STK4: variants seen among roughly 807,000 people sequenced by gnomAD.
The protein encoded by STK4 is serine/threonine-protein kinase 4.
In STK4, 30 loss-of-function variants were observed where a neutral mutation model predicts 64.9. The ratio of observed to expected loss-of-function variants is 0.46; its 90% CI spans 0.35 to 0.63. The LOEUF is 0.63. Ranked by LOEUF, STK4 falls within the 20% of genes least tolerant of loss-of-function variation. The pLI is 0.01. For synonymous variants in STK4, 177 were observed against 199.0 expected, an observed-to-expected ratio of 0.89 and a Z score of 0.93; for missense variants, 466 against 598.5, an observed-to-expected ratio of 0.78 and a Z score of 2.31.
intron 10 of STK4, 86 bp from the exon 11 acceptor site, chr20:45,074,932 C>A: frequency 6.5e-7 from 1 of 1,530,492 alleles, no homozygotes; most frequent in Admixed American, 1.7e-5. Context: ...TCCCTTCCCT[C>A]TGGGTGCCTG....
intron 10 of STK4, among the ~76,000 whole-genome samples, chr20:45,073,561 C>G (rs374243951): frequency 1.3e-5 from 2 of 152,158 alleles, no homozygotes; most frequent in African/African-American, 4.8e-5. Context: ...TCATGATTTT[C>G]TAAATGTGGG....
At chr20:45,065,799 T>C (rs1437607195) in intron 10 of STK4, among the ~76,000 whole-genome samples, 1 of 152,084 alleles carries the variant, frequency 6.6e-6, no homozygotes, top group Non-Finnish European at 1.5e-5. Flanking sequence ...ATTATTTATT[T>C]ATTTATTTTT....
chr20:45,006,698 A>T (rs2067952149), intron 9 of STK4, among the ~76,000 whole-genome samples: 1 of 152,140 alleles, frequency 6.6e-6, no homozygotes, highest in South Asian at 2.1e-4. Flanking sequence ...TCTCAGTTCC[A>T]CATTGGACTT....
chr20:45,036,161 G>A (rs1372977892), intron 10 of STK4, among the ~76,000 whole-genome samples: 4 of 152,280 alleles, frequency 2.6e-5, no homozygotes, highest in South Asian at 2.1e-4. Context: ...AAATTAGCTC[G>A]ATTGAGCCAT....
intron 5 of STK4, 91 bp from the exon 6 acceptor site, chr20:44,994,999 T>C (rs1245799322): frequency 1.3e-5 from 15 of 1,144,922 alleles, no homozygotes. Context: ...GTAGTTTTTT[T>C]TTTTTTCTTC....
rs966983214 is a variant in STK4 at position 44,966,544 on chromosome 20, G to T, written c.-25G>T. The T allele has an allele frequency of 4.7e-6, 6 of 1,265,250 alleles. No homozygotes were observed. The highest frequency in any genetic ancestry group is 2.3e-4 in the Middle Eastern group (1 of 4,412). The allele number at this position is 1,265,250 out of a possible 1,614,324, so 78.4% of individuals were successfully genotyped here. A position where few individuals can be genotyped will look rare whatever the true frequency, so the allele number is the denominator to read the frequency against. ...CCGCGGGAGGATGGAGCAGTGAGCG[G>T]GTCTGGGCGGCTGCTGGCAGCGCCA... On this transcript the variant is annotated 5_prime_UTR_variant, in exon 1 of 11. Transcript: ENST00000372806.
chr20:45,031,699 T>G (rs1437762229), intron 10 of STK4, among the ~76,000 whole-genome samples: 1 of 151,932 alleles, frequency 6.6e-6, no homozygotes, highest in African/African-American at 2.4e-5. Flanking sequence ...GTCAGGAGTT[T>G]GAGACCAGCC....
chr20:45,071,992 G>C (rs1378948584), intron 10 of STK4, among the ~76,000 whole-genome samples: 2 of 152,078 alleles, frequency 1.3e-5, no homozygotes, highest in African/African-American at 4.8e-5. Context: ...TGGAGTTCCT[G>C]GGCTCAAGCA....
chr20:45,056,023 G>A (rs538143201), intron 10 of STK4, among the ~76,000 whole-genome samples: 137 of 152,256 alleles, frequency 9.0e-4, no homozygotes, highest in African/African-American at 3.0e-3. Context: ...GAGCCCCCGC[G>A]CCGGGCCCAA....
chr20:44,981,611 G>C (rs1459996087), intron 3 of STK4, among the ~76,000 whole-genome samples: 1 of 151,994 alleles, frequency 6.6e-6, no homozygotes, highest in Non-Finnish European at 1.5e-5. Flanking sequence ...TAGAAATGCT[G>C]GTTAAAGAAC....
chr20:45,062,039 C>T (rs561967745), intron 10 of STK4, among the ~76,000 whole-genome samples: 2 of 152,018 alleles, frequency 1.3e-5, no homozygotes, highest in East Asian at 3.9e-4. Context: ...GCCACCACAC[C>T]CAGCTAATTT....
intron 10 of STK4, among the ~76,000 whole-genome samples, chr20:45,060,706 A>G (rs1978918493): frequency 6.6e-6 from 1 of 152,178 alleles, no homozygotes; most frequent in South Asian, 2.1e-4. Context: ...ATTACTCGAG[A>G]TAATGCATGT....
intron 10 of STK4, among the ~76,000 whole-genome samples, chr20:45,046,169 G>T (rs1182483079): frequency 6.6e-6 from 1 of 151,676 alleles, no homozygotes; most frequent in Non-Finnish European, 1.5e-5. Flanking sequence ...TTTTCGCCAG[G>T]TGCAATCCCA....
intron 10 of STK4, among the ~76,000 whole-genome samples, chr20:45,037,678 A>G (rs997934222): frequency 6.6e-6 from 1 of 152,156 alleles, no homozygotes; most frequent in Admixed American, 6.6e-5. Flanking sequence ...ACAACCTATG[A>G]TTCCATGAAA....
rs1294910995 is a variant in STK4, at chr20:45,076,565, C to CA, written c.*1390dup. 1.3e-5 allele frequency: 2 copies of CA among 152,234 alleles called. No individual in the cohort carries two copies. The highest frequency in any genetic ancestry group is 4.8e-5 in the African/African-American group (2 of 41,462). 9.4% of individuals were successfully genotyped at this position (152,234 alleles called of 1,614,324 possible). Reference sequence around the variant, plus strand: ...AAGAGATTCCCTGGACGAGCCAGATCATTCAGTTTCAGCGAGTCCTTGAGC... The same window carrying CA: ...AAGAGATTCCCTGGACGAGCCAGATCAATTCAGTTTCAGCGAGTCCTTGAGC... On this transcript the variant is annotated 3_prime_UTR_variant, in exon 11 of 11. Transcript: ENST00000372806. This position sits in a 1 kb window ranked among gnomAD's most constrained non-coding sequence, Gnocchi z 4.0.
In STK4 at chr20:45,046,306, G is replaced by A. The variant is rs537344197; in HGVS notation, c.1305+21176G>A. Among the ~76,000 whole-genome samples the A allele has an allele frequency of 1.2e-4, 18 of 151,580 alleles. 1 individual carries two copies. Among genetic ancestry groups the A allele is most frequent in the Middle Eastern group, 3.4e-3 (1 of 294 alleles). On this transcript the variant is annotated intron_variant, in intron 10 of 10. Coordinates refer to ENST00000372806, the MANE Select transcript of STK4 (RefSeq NM_006282.5). ...AAAAATTGGCTAAGTGTGGTGGTGC[G>A]TACCTGTAGTCCCAGCTACTCAGGA...
Position 45,012,330 on chromosome 20 carries a change from G to A in STK4, c.1147+10977G>A, listed in dbSNP as rs953634171. On this transcript the variant is annotated intron_variant, in intron 9 of 10. Coordinates refer to ENST00000372806, the MANE Select transcript of STK4 (RefSeq NM_006282.5). ...ATTACAGGCGTGAGCCACTGCACCCGGCCTCTCCCATATAAATTTTAGGAT... is the reference window on the plus strand; with the variant it reads ...ATTACAGGCGTGAGCCACTGCACCCAGCCTCTCCCATATAAATTTTAGGAT... 3.3e-5 allele frequency among the ~76,000 whole-genome samples: 5 copies of A among 151,954 alleles called. No individual in the cohort carries two copies. In the South Asian group the frequency reaches 6.2e-4, roughly 19 times the overall value.
At chr20:45,052,913 G>A (rs1174573185) in intron 10 of STK4, among the ~76,000 whole-genome samples, 2 of 152,204 alleles carry the variant, frequency 1.3e-5, no homozygotes, top group Admixed American at 6.5e-5. Context: ...TTTTACTGAA[G>A]TAGTCCTGTC....
Position 45,079,964 on chromosome 20 carries a change from C to T in STK4, c.*4788C>T, listed in dbSNP as rs917802155. On this transcript the variant is annotated 3_prime_UTR_variant, in exon 11 of 11. Coordinates refer to ENST00000372806, the MANE Select transcript of STK4 (RefSeq NM_006282.5). ...CCTTTGGACCACAAACCCTTATTAA[C>T]GAGAACCTCAATATATAGCCTGGAT... 6.6e-6 allele frequency: 1 copy of T among 152,162 alleles called. No individual in the cohort carries two copies. The highest frequency in any genetic ancestry group is 2.4e-5 in the African/African-American group (1 of 41,422). The allele number at this position is 152,162 out of a possible 1,614,324, so 9.4% of individuals were successfully genotyped here.
Sources: gnomAD v4.1 joint callset for allele counts (sites outside exome capture counted in the v4.1 genomes callset) on GRCh38, gnomAD v4.1.1 for gene constraint, Gnocchi (gnomAD v3.1) non-coding constraint, MANE v1.5 for transcripts, NCBI Gene and HGNC (gene_info 2026-07-23, HGNC 2026-07-21) for gene names.